The following ERC2 variants were observed in gnomAD, a reference collection of about 807,000 sequenced individuals.
ERC2 encodes ERC protein 2.
In ERC2, 42 loss-of-function variants were observed where a neutral mutation model predicts 114.8. The ratio of observed to expected loss-of-function variants is 0.37; its 90% CI spans 0.29 to 0.47. The LOEUF (loss-of-function observed/expected upper bound fraction) is 0.47, where lower values mean the gene tolerates loss of function less well. Among genes scored for constraint, ERC2 ranks in the 20% least tolerant of loss-of-function variants. ERC2 has a pLI of 0.99. For synonymous variants in ERC2, 454 were observed against 425.5 expected, an observed-to-expected ratio of 1.07 and a Z score of -0.82; for missense variants, 939 against 1,150.7, an observed-to-expected ratio of 0.82 and a Z score of 2.66.
chr3:55,970,225 G>A (rs753118162), intron 12 of ERC2, among the ~76,000 whole-genome samples: 19 of 152,054 alleles, frequency 1.2e-4, no homozygotes, highest in Non-Finnish European at 2.6e-4. Flanking sequence ...TTATAATAGC[G>A]CAAATAACAA....
rs937596585 is a variant in ERC2, at chr3:56,368,283, C to T, written c.657+66068G>A. ...TATTGGGTAAAAGTTCAGGAATATT[C>T]ACTCAGACTATTTGCCACCTCTTTT... is the stretch of plus-strand genomic sequence containing the variant. On this transcript the variant is annotated intron_variant, in intron 2 of 17. Transcript: ENST00000288221. Among the ~76,000 whole-genome samples the T allele has an allele frequency of 4.0e-5, 6 of 151,128 alleles. No homozygotes were observed. The South Asian group carries it at 8.4e-4, about 21-fold the overall frequency.
chr3:56,039,667 A>G (rs563295478), intron 7 of ERC2, among the ~76,000 whole-genome samples: 1 of 152,290 alleles, frequency 6.6e-6, no homozygotes, highest in Non-Finnish European at 1.5e-5. Context: ...ATATGAAACC[A>G]AAAAAGACCC....
intron 3 of ERC2, among the ~76,000 whole-genome samples, chr3:56,283,047 C>T (rs1425707070): frequency 6.6e-6 from 1 of 152,200 alleles, no homozygotes. Flanking sequence ...CAAATATCCT[C>T]AAATGTCCAC....
intron 6 of ERC2, among the ~76,000 whole-genome samples, chr3:56,107,505 A>G (rs747035523): frequency 1.3e-5 from 2 of 152,100 alleles, no homozygotes; most frequent in Non-Finnish European, 2.9e-5. Context: ...TCTCTGCTTC[A>G]GTTTCCTCAT....
intron 3 of ERC2, among the ~76,000 whole-genome samples, chr3:56,244,455 G>A (rs995081088): frequency 2.0e-5 from 3 of 152,056 alleles, no homozygotes; most frequent in African/African-American, 7.2e-5. Context: ...GTATCCAGAA[G>A]AAGGCATTGA....
chr3:55,594,081 C>A (rs2058026840), intron 17 of ERC2, among the ~76,000 whole-genome samples: 1 of 152,178 alleles, frequency 6.6e-6, no homozygotes, highest in Non-Finnish European at 1.5e-5. Context: ...ACTTCTGTGA[C>A]ACAACACTCA....
rs2049906450 is a variant in ERC2, at chr3:56,221,460, A to G, written c.1075-47940T>C. On this transcript the variant is annotated intron_variant, in intron 3 of 17. Coordinates refer to ENST00000288221, the MANE Select transcript of ERC2 (RefSeq NM_015576.3). Reference sequence around the variant, plus strand: ...TATGCAGCATTCCCTGTAGAATAATAATAGATGCTTTACACAGAGTCCTGC... The same window carrying G: ...TATGCAGCATTCCCTGTAGAATAATGATAGATGCTTTACACAGAGTCCTGC... Among the ~76,000 whole-genome samples, 5 of 152,142 alleles carry G rather than the reference A, an allele frequency of 3.3e-5. 1 individual carries two copies. In the South Asian group the frequency reaches 1.0e-3, roughly 32 times the overall value.
intron 14 of ERC2, among the ~76,000 whole-genome samples, chr3:55,873,863 C>T (rs1009543081): frequency 1.2e-4 from 18 of 152,176 alleles, no homozygotes; most frequent in African/African-American, 4.1e-4. Flanking sequence ...TCTCCTCTTT[C>T]ATACACTTAC....
At chr3:55,837,737 A>G (rs969691620) in intron 14 of ERC2, among the ~76,000 whole-genome samples, 5 of 152,128 alleles carry the variant, frequency 3.3e-5, no homozygotes, top group African/African-American at 1.2e-4. Flanking sequence ...CATGTACCCT[A>G]TAACTTAAAG....
intron 14 of ERC2, among the ~76,000 whole-genome samples, chr3:55,868,515 A>T (rs571817563): frequency 4.3e-4 from 66 of 152,370 alleles, no homozygotes; most frequent in South Asian, 3.7e-3. Flanking sequence ...CTCTGGTAGC[A>T]GAAGCTGGCT....
chr3:56,383,396 T>C (rs1420311626), intron 2 of ERC2, among the ~76,000 whole-genome samples: 5 of 152,186 alleles, frequency 3.3e-5, no homozygotes, highest in Admixed American at 6.5e-5. Flanking sequence ...CTAATCACCA[T>C]CTCACATCCC....
At chr3:56,124,354 T>A (rs1403502843) in intron 6 of ERC2, among the ~76,000 whole-genome samples, 2 of 152,192 alleles carry the variant, frequency 1.3e-5, no homozygotes, top group African/African-American at 4.8e-5. Flanking sequence ...ATTACAAATT[T>A]CAGCTTACAG....
chr3:56,305,773 C>G (rs946028422), intron 2 of ERC2, among the ~76,000 whole-genome samples: 10 of 152,250 alleles, frequency 6.6e-5, no homozygotes, highest in African/African-American at 2.4e-4. Flanking sequence ...AGGGCCAAAT[C>G]TGGCCTTTTG....
At chr3:55,682,514 C>T (rs921756817) in intron 17 of ERC2, among the ~76,000 whole-genome samples, 1 of 152,174 alleles carries the variant, frequency 6.6e-6, no homozygotes, top group African/African-American at 2.4e-5. Context: ...ATTAGTGGGA[C>T]ATGTAACAGG....
chr3:56,130,825 A>T (rs946189579), intron 6 of ERC2, among the ~76,000 whole-genome samples: 1 of 152,194 alleles, frequency 6.6e-6, no homozygotes, highest in Non-Finnish European at 1.5e-5. Flanking sequence ...AAGAGCTTAA[A>T]AACTTTAGAA....
rs77179524 is a variant in ERC2 at position 55,815,819 on chromosome 3, G to A, written c.2564+72570C>T. On this transcript the variant is annotated intron_variant, in intron 14 of 17. Coordinates refer to ENST00000288221, the MANE Select transcript of ERC2 (RefSeq NM_015576.3). ...GACAGCCTTGTCAAAACTGGTAAGGGGGTAAAGAAGTGAGCCAGAAAAGGA... is the reference window on the plus strand; with the variant it reads ...GACAGCCTTGTCAAAACTGGTAAGGAGGTAAAGAAGTGAGCCAGAAAAGGA... Among the ~76,000 whole-genome samples, 710 of 152,282 alleles carry A rather than the reference G, an allele frequency of 4.7e-3. 4 individuals are homozygous for A. The highest frequency in any genetic ancestry group is 0.016 in the African/African-American group (670 of 41,560).
chr3:56,332,816 T>G (rs1178248666), intron 2 of ERC2, among the ~76,000 whole-genome samples: 1 of 152,206 alleles, frequency 6.6e-6, no homozygotes, highest in African/African-American at 2.4e-5. Context: ...TGTGTCCCTT[T>G]GATCCCATTA....
rs200132705 is a variant in ERC2 at position 56,317,959 on chromosome 3, TC to T, written c.658-21525del. Among the ~76,000 whole-genome samples, 175 of 152,288 alleles carry T rather than the reference TC, an allele frequency of 1.1e-3. 5 individuals are homozygous for T. In the East Asian group the frequency reaches 0.032, roughly 28 times the overall value. ...TATTTTCAGAGAAGAAGATTTTACT[TC>T]CCCACATTTGTCACAAACATTCCTA... On this transcript the variant is annotated intron_variant, in intron 2 of 17. Coordinates refer to ENST00000288221, the MANE Select transcript of ERC2 (RefSeq NM_015576.3).
Position 55,683,958 on chromosome 3 carries a change from A to G in ERC2, c.2848-99T>C, listed in dbSNP as rs2062191677. 7 of 1,273,376 alleles carry G rather than the reference A, an allele frequency of 5.5e-6. No homozygotes were observed. The South Asian group carries it at 7.0e-5, about 13-fold the overall frequency. 78.9% of individuals were successfully genotyped at this position (1,273,376 alleles called of 1,614,324 possible). On this transcript the variant is annotated intron_variant, in intron 16 of 17. Transcript: ENST00000288221. ...ACACCGAGATGCACTGGAAAGGCAC[A>G]CTAATCTTCACTTTGTTTTTTAATC...
Sources: allele counts gnomAD v4.1 joint callset (sites outside exome capture counted in the v4.1 genomes callset), GRCh38; gene constraint gnomAD v4.1.1; transcripts MANE v1.5; gene names NCBI Gene and HGNC (gene_info 2026-07-23, HGNC 2026-07-21).